Variants in GATAD2A observed in about 807,000 individuals in gnomAD.
The protein encoded by GATAD2A is GATA zinc finger domain containing 2A.
Under a neutral mutation model 68.5 loss-of-function variants are expected in GATAD2A, and 12 were observed. That is an observed-to-expected ratio of 0.18 (90% CI 0.11 to 0.28). GATAD2A has a LOEUF of 0.28. GATAD2A is among the 10% of genes least tolerant of loss of function. GATAD2A has a pLI of 1.00. For missense variants in GATAD2A, 755 were observed against 868.5 expected, an observed-to-expected ratio of 0.87 and a Z score of 1.64; for synonymous variants, 410 against 375.3, an observed-to-expected ratio of 1.09 and a Z score of -1.07.
At chr19:19,489,180 G>T (rs897756727) in intron 2 of GATAD2A, among the ~76,000 whole-genome samples, 32 of 152,248 alleles carry the variant, frequency 2.1e-4, no homozygotes, top group African/African-American at 7.7e-4. Context: ...TGACCCTGCT[G>T]TGTGCGGTGT....
At chr19:19,400,426 G>A (rs2049624217) in intron 1 of GATAD2A, among the ~76,000 whole-genome samples, 1 of 152,032 alleles carries the variant, frequency 6.6e-6, no homozygotes, top group African/African-American at 2.4e-5. Context: ...GTTTTTCAGG[G>A]AGCTTTTCAG....
At chr19:19,472,494 C>CA (rs780354032) in intron 2 of GATAD2A, 3 of 151,786 alleles carry the variant, frequency 2.0e-5, no homozygotes, top group Non-Finnish European at 2.9e-5. Flanking sequence ...CCACCACGCC[C>CA]AGCTAATTTT....
intron 1 of GATAD2A, among the ~76,000 whole-genome samples, chr19:19,418,551 C>T (rs1047453478): frequency 1.3e-5 from 2 of 152,184 alleles, no homozygotes; most frequent in Admixed American, 6.5e-5. Context: ...TCAGTGTGAA[C>T]CCAGAGCCCT....
Position 19,425,066 on chromosome 19 carries a change from A to AT in GATAD2A, c.-7+19047_-7+19048insT, listed in dbSNP as rs1251667509. On this transcript the variant is annotated intron_variant, in intron 1 of 11. Coordinates refer to ENST00000683918, the MANE Select transcript of GATAD2A (RefSeq NM_001384528.1). ...TTCAAGACTAGCCTGTGCAACAATA[A>AT]AAAAAAAAAAAAAACCCAAACTTGA... Among the ~76,000 whole-genome samples the AT allele has an allele frequency of 5.5e-5, 8 of 146,036 alleles. No homozygotes were observed. The East Asian group carries it at 1.4e-3, about 25-fold the overall frequency.
intron 1 of GATAD2A, chr19:19,429,317 G>T: frequency 1.4e-6 from 1 of 735,036 alleles, no homozygotes; most frequent in Non-Finnish European, 1.7e-6. Flanking sequence ...AGCTAGGAGG[G>T]GCTCTCCTGG....
At chr19:19,414,352 C>T (rs2051316133) in intron 1 of GATAD2A, among the ~76,000 whole-genome samples, 1 of 152,042 alleles carries the variant, frequency 6.6e-6, no homozygotes, top group South Asian at 2.1e-4. Context: ...GAGGAGTGGC[C>T]TGCCCAAGGT....
chr19:19,434,142 T>C (rs542846122), intron 1 of GATAD2A, among the ~76,000 whole-genome samples: 12 of 152,324 alleles, frequency 7.9e-5, no homozygotes, highest in Non-Finnish European at 1.8e-4. Context: ...TTTGTGCTAA[T>C]GTAGATGACT....
intron 1 of GATAD2A, among the ~76,000 whole-genome samples, chr19:19,451,665 C>T (rs2056402706): frequency 6.6e-6 from 1 of 152,114 alleles, no homozygotes; most frequent in Admixed American, 6.6e-5. Flanking sequence ...GTGTGAGACT[C>T]AGCAGGGCTC....
Position 19,495,966 on chromosome 19 carries a change from TG to T in GATAD2A, c.757-81del, listed in dbSNP as rs750726616. 6.1e-5 allele frequency: 97 copies of T among 1,583,828 alleles called. 1 individual carries two copies. The highest frequency in any genetic ancestry group is 8.1e-5 in the African/African-American group (6 of 74,388). On this transcript the variant is annotated intron_variant, in intron 6 of 11. Coordinates refer to ENST00000683918, the MANE Select transcript of GATAD2A (RefSeq NM_001384528.1). ...TGAAAGTAGGGCCCTTCCCAGTCCT[TG>T]GGGGCAAGGTGCCCTGTGCCTTCCG...
chr19:19,443,214 G>T lies in GATAD2A; in HGVS notation c.-6-22126G>T, dbSNP rs186750678. 4.2e-4 allele frequency among the ~76,000 whole-genome samples: 64 copies of T among 152,254 alleles called. 1 individual carries two copies. The East Asian group carries it at 6.2e-3, about 15-fold the overall frequency. Reference sequence around the variant, plus strand: ...GAATTGAGGGGTTCCAGACTGTAAGGTCCAGACAGTGATTCTCCCTAGCTG... The same window carrying T: ...GAATTGAGGGGTTCCAGACTGTAAGTTCCAGACAGTGATTCTCCCTAGCTG... On this transcript the variant is annotated intron_variant, in intron 1 of 11. Coordinates refer to ENST00000683918, the MANE Select transcript of GATAD2A (RefSeq NM_001384528.1).
chr19:19,424,478 C>A (rs551226470), intron 1 of GATAD2A, among the ~76,000 whole-genome samples: 7 of 152,256 alleles, frequency 4.6e-5, no homozygotes, highest in South Asian at 2.1e-4. Context: ...GGTCTGCCCC[C>A]CTCAGCCTCC....
intron 1 of GATAD2A, among the ~76,000 whole-genome samples, chr19:19,462,928 C>T (rs927301833): frequency 6.6e-6 from 1 of 152,086 alleles, no homozygotes; most frequent in South Asian, 2.1e-4. Context: ...CTGGGAGGGG[C>T]CCTGCCTGGC....
chr19:19,449,936 TTTTA>T (rs2056189152), intron 1 of GATAD2A, among the ~76,000 whole-genome samples: 2 of 146,868 alleles, frequency 1.4e-5, no homozygotes, highest in Non-Finnish European at 1.5e-5. Flanking sequence ...TCCTTCATTG[TTTTA>T]TTTATTTATC....
chr19:19,442,978 G>A (rs1360303024), intron 1 of GATAD2A, among the ~76,000 whole-genome samples: 1 of 152,082 alleles, frequency 6.6e-6, no homozygotes, highest in East Asian at 1.9e-4. Flanking sequence ...TCCCTCGCAT[G>A]GCAGTGCTGG....
At chr19:19,487,960 A>G (rs2059550910) in intron 2 of GATAD2A, among the ~76,000 whole-genome samples, 1 of 152,138 alleles carries the variant, frequency 6.6e-6, no homozygotes, top group South Asian at 2.1e-4. Flanking sequence ...TGGCTGGAGA[A>G]GGCATTGCTG....
intron 1 of GATAD2A, among the ~76,000 whole-genome samples, chr19:19,424,978 A>G (rs1354320243): frequency 6.6e-6 from 1 of 151,686 alleles, no homozygotes; most frequent in Non-Finnish European, 1.5e-5. Flanking sequence ...TGGTGCAGTC[A>G]TTGACACCTA....
intron 1 of GATAD2A, among the ~76,000 whole-genome samples, chr19:19,448,935 G>A (rs1435767991): frequency 2.0e-5 from 3 of 152,168 alleles, no homozygotes; most frequent in Non-Finnish European, 4.4e-5. Flanking sequence ...ACACAGGGCC[G>A]ATATACAGAA....
At chr19:19,401,014 C>T (rs1025173328), upstream of GATAD2A, among the ~76,000 whole-genome samples, 5 of 151,790 alleles carry the variant, frequency 3.3e-5, no homozygotes, top group African/African-American at 4.8e-5. Context: ...GTAGCACGCA[C>T]CTGTCGTGTC....
At chr19:19,438,929 T>G (rs756415495) in intron 1 of GATAD2A, among the ~76,000 whole-genome samples, 2 of 152,208 alleles carry the variant, frequency 1.3e-5, no homozygotes, top group South Asian at 4.1e-4. Flanking sequence ...ATTGATAGAT[T>G]TTAGGTTTTC....
Sources: gnomAD v4.1 joint callset for allele counts (sites outside exome capture counted in the v4.1 genomes callset) on GRCh38, gnomAD v4.1.1 for gene constraint, MANE v1.5 for transcripts, NCBI Gene and HGNC (gene_info 2026-07-23, HGNC 2026-07-21) for gene names.